NLRP2: variants seen among roughly 807,000 people sequenced by gnomAD.
The protein encoded by NLRP2 is NACHT, LRR and PYD domains-containing protein 2.
Under a neutral mutation model 97.2 loss-of-function variants are expected in NLRP2, and 107 were observed. The observed-to-expected ratio is 1.10, with a 90% CI of 0.94 to 1.29. The LOEUF (loss-of-function observed/expected upper bound fraction) is 1.29. Among genes scored for constraint, NLRP2 ranks in the 50% most tolerant of loss-of-function variants. NLRP2 has a pLI of 0.00. For synonymous variants in NLRP2, 663 were observed against 551.5 expected, an observed-to-expected ratio of 1.20 and a Z score of -2.83; for missense variants, 1,495 against 1,330.3, an observed-to-expected ratio of 1.12 and a Z score of -1.93.
intron 4 of NLRP2, 74 bp from the exon 5 acceptor site, chr19:54,981,543 C>T (rs1431701083): frequency 3.9e-6 from 3 of 767,958 alleles, no homozygotes; most frequent in African/African-American, 1.8e-5. Flanking sequence ...AGCCTGCCTC[C>T]TTTTCTCTAA....
At chr19:54,967,369 C>G (rs2070521075) in intron 1 of NLRP2, among the ~76,000 whole-genome samples, 1 of 151,496 alleles carries the variant, frequency 6.6e-6, no homozygotes, top group Non-Finnish European at 1.5e-5. Context: ...GTAATCCTAG[C>G]TACTCAGGAG....
intron 2 of NLRP2, 61 bp downstream of exon 2, chr19:54,970,356 T>A (rs373104723): frequency 1.9e-6 from 3 of 1,601,798 alleles, no homozygotes; most frequent in South Asian, 2.2e-5. Context: ...TCCAGGACTT[T>A]AGAAATTCAG....
chr19:54,996,058 A>AAC (rs1568540014), intron 11 of NLRP2, among the ~76,000 whole-genome samples: 3 of 150,940 alleles, frequency 2.0e-5, no homozygotes, highest in African/African-American at 7.3e-5. Flanking sequence ...AAAAAACAAA[A>AAC]AAAACAAAGG....
Position 54,997,402 on chromosome 19 carries a change from C to T in NLRP2, c.2965C>T (p.Leu989=). Residue 989 remains leucine (L), a synonymous_variant, in exon 12 of 13, where the codon CTG becomes TTG. Coordinates refer to ENST00000448584, the MANE Select transcript of NLRP2 (RefSeq NM_017852.5). ...CAACCAGAGCCTCGTCACTCTGGAC[C>T]TGGGTCAGAATCCCTTGGGGTCTAG... ...SCNQSLVTLD[L]GQNPLGSSGV... 6.2e-7 allele frequency: 1 copy of T among 1,614,190 alleles called. No individual in the cohort carries two copies. The highest frequency in any genetic ancestry group is 8.5e-7 in the Non-Finnish European group (1 of 1,180,000).
intron 12 of NLRP2, among the ~76,000 whole-genome samples, chr19:54,998,604 CTTTTTTCTTTTTTTTTTTT>C (rs2072978485): frequency 4.3e-4 from 7 of 16,434 alleles, no homozygotes; most frequent in African/African-American, 1.7e-3. Context: ...TGGGGTGCAT[CTTTTTTCTTTTTTTTTTTT>C]TTTTTTCCTT....
chr19:54,978,234 ATT>A lies in NLRP2; in HGVS notation c.397+427_397+428del, dbSNP rs5828609. Among the ~76,000 whole-genome samples the A allele has an allele frequency of 3.2e-3, 425 of 131,728 alleles. 1 individual carries two copies. Among genetic ancestry groups the A allele is most frequent in the African/African-American group, 7.6e-3 (261 of 34,284 alleles). The allele number at this position is 131,728 out of a possible 152,430, so 86.4% of individuals were successfully genotyped here. On this transcript the variant is annotated intron_variant, in intron 4 of 12. Transcript: ENST00000448584. ...AGGCACCTGCCACCACACCCAGCTA[ATT>A]TTTTTTTTTTTTTTTGAGACGAAGT...
rs1035372041 is a variant in NLRP2 at position 54,987,544 on chromosome 19, C to T, written c.2366+1229C>T. On this transcript the variant is annotated intron_variant, in intron 8 of 12. Transcript: ENST00000448584. ...ATCACTTGAGGTCAGGAGTTCAAGA[C>T]CGGCCTGGTCAACATGGTGAAACTC... Among the ~76,000 whole-genome samples, 40 of 152,130 alleles carry T rather than the reference C, an allele frequency of 2.6e-4. 1 individual carries two copies. The highest frequency in any genetic ancestry group is 7.3e-5 in the Non-Finnish European group (5 of 68,038).
chr19:54,973,593 C>T (rs1417001586), intron 2 of NLRP2, among the ~76,000 whole-genome samples: 4 of 151,954 alleles, frequency 2.6e-5, no homozygotes, highest in African/African-American at 4.8e-5. Context: ...AGACTGGTCT[C>T]GAACTCCCGA....
chr19:54,990,795 G>A, intron 10 of NLRP2, 123 bp downstream of exon 10: 1 of 999,886 alleles, frequency 1.0e-6, no homozygotes, highest in Non-Finnish European at 1.6e-6. Flanking sequence ...TGATGCTAAT[G>A]ACAACTGGTA....
intron 9 of NLRP2, 86 bp downstream of exon 9, chr19:54,990,278 G>T: frequency 7.1e-7 from 1 of 1,405,146 alleles, no homozygotes; most frequent in South Asian, 1.2e-5. Context: ...TGGCTGTATG[G>T]AACCTCTCGC....
At chr19:54,997,165 A>C (rs917649149) in intron 11 of NLRP2, 152 bp from the exon 12 acceptor site, 2 of 792,076 alleles carry the variant, frequency 2.5e-6, no homozygotes, top group African/African-American at 3.4e-5. Flanking sequence ...TCGGCCTCCC[A>C]AAGTGCTGGG....
chr19:54,996,785 T>C (rs921624228), intron 11 of NLRP2, among the ~76,000 whole-genome samples: 3 of 151,998 alleles, frequency 2.0e-5, no homozygotes, highest in African/African-American at 4.8e-5. Flanking sequence ...ACTCGGTCTC[T>C]TCACCCCCTC....
intron 4 of NLRP2, among the ~76,000 whole-genome samples, chr19:54,979,307 TTGCTTAC>T (rs1426488283): frequency 2.0e-5 from 3 of 151,786 alleles, no homozygotes; most frequent in Admixed American, 2.0e-4. Flanking sequence ...CAGATCAGCC[TTGCTTAC>T]TCCACATTCC....
At chr19:55,000,592 TAAAAAAA>T in intron 12 of NLRP2, among the ~76,000 whole-genome samples, 161 bp from the exon 13 acceptor site, 1 of 119,908 alleles carries the variant, frequency 8.3e-6, no homozygotes, top group South Asian at 2.8e-4. Context: ...GACTGTCTTT[TAAAAAAA>T]AAAAAAAAAA....
rs996910777 is a variant in NLRP2, at chr19:54,999,116, G to A, written c.3050+1629G>A. On this transcript the variant is annotated intron_variant, in intron 12 of 12. Transcript: ENST00000448584. The stretch of plus-strand genomic sequence containing the variant: ...CGGGCAGAGGCGCCCCTCACCTCCC[G>A]GACAGGGCGGCTGGCTGGGCGGGGG... Among the ~76,000 whole-genome samples the A allele has an allele frequency of 5.4e-5, 8 of 148,600 alleles. No homozygotes were observed. In the East Asian group the frequency reaches 9.8e-4, roughly 18 times the overall value.
At chr19:54,990,356 T>C (rs1232338337) in intron 9 of NLRP2, 146 bp from the exon 10 acceptor site, 2 of 1,116,416 alleles carry the variant, frequency 1.8e-6, no homozygotes, top group Non-Finnish European at 2.7e-6. Flanking sequence ...CTTCTCTCAT[T>C]CCTATTCCTT....
At chr19:54,986,444 C>T (rs2072093223) in intron 8 of NLRP2, 129 bp downstream of exon 8, 1 of 801,208 alleles carries the variant, frequency 1.2e-6, no homozygotes, top group Non-Finnish European at 2.1e-6. Context: ...GCAGATGACC[C>T]AGGATGCAGC....
intron 2 of NLRP2, among the ~76,000 whole-genome samples, chr19:54,970,978 C>T (rs1343224797): frequency 1.1e-5 from 1 of 90,888 alleles, no homozygotes; most frequent in Non-Finnish European, 2.1e-5. Context: ...CCCCTCCCCC[C>T]ACCCCACCAC....
At chr19:54,973,886 A>AC in intron 2 of NLRP2, 1 of 671,318 alleles carries the variant, frequency 1.5e-6, no homozygotes, top group Non-Finnish European at 2.8e-6. Context: ...CCACAAAGTG[A>AC]CACAAGGCAA....
Sources: allele counts gnomAD v4.1 joint callset (sites outside exome capture counted in the v4.1 genomes callset), GRCh38; gene constraint gnomAD v4.1.1; transcripts MANE v1.5; gene names NCBI Gene and HGNC (gene_info 2026-07-23, HGNC 2026-07-21).